The following CRYBA4 variants were observed in gnomAD, a reference collection of about 807,000 sequenced individuals.
CRYBA4 encodes crystallin beta A4, also known as beta-crystallin A4.
In CRYBA4, 30 loss-of-function variants were observed where a neutral mutation model predicts 31.7. That is an observed-to-expected ratio of 0.95 (90% confidence interval 0.71 to 1.28). CRYBA4 has a LOEUF of 1.28. CRYBA4 is among the 50% of genes most tolerant of loss of function. CRYBA4 has a pLI of 0.00. For missense variants in CRYBA4, 225 were observed against 260.7 expected, an observed-to-expected ratio of 0.86 and a Z score of 0.94; for synonymous variants, 102 against 102.3, an observed-to-expected ratio of 1.00 and a Z score of 0.02.
chr22:26,607,668 G>C, the CRYBA4 span, among the ~76,000 whole-genome samples: 1 of 151,582 alleles, frequency 6.6e-6, no homozygotes, highest in African/African-American at 2.4e-5. Flanking sequence ...GGAAGCTTTT[G>C]TGCTTATCAT....
At chr22:26,612,276 G>T in the CRYBA4 span, 1 of 856,528 alleles carries the variant, frequency 1.2e-6, no homozygotes, top group Non-Finnish European at 2.0e-6. Context: ...AAAGCCAGCA[G>T]TGCAGGAGTC....
At position 26,628,433 on chromosome 22, in the gene CRYBA4, A is replaced by T; in HGVS notation, c.443+3A>T. 6.2e-7 allele frequency: 1 copy of T among 1,614,006 alleles called. No individual in the cohort carries two copies. Among genetic ancestry groups the T allele is most frequent in the East Asian group, 2.2e-5 (1 of 44,874 alleles). ...TCCTTCCACGTCCACTCTGGGGCGT[A>T]AGTGTATTCAAGGCTCTACCTGGCA... On this transcript the variant is annotated splice_donor_region_variant and intron_variant, in intron 5 of 5. Transcript: ENST00000354760.
chr22:26,598,915 G>A, the CRYBA4 span, among the ~76,000 whole-genome samples: 1 of 152,196 alleles, frequency 6.6e-6, no homozygotes, highest in African/African-American at 2.4e-5. Flanking sequence ...TACAGGCTCT[G>A]GAGCCAGACA....
the CRYBA4 span, among the ~76,000 whole-genome samples, chr22:26,590,889 C>T: frequency 3.3e-5 from 5 of 152,168 alleles, no homozygotes; most frequent in Non-Finnish European, 7.3e-5. Context: ...GTTCTATAAC[C>T]TTTCAGTGCT....
chr22:26,619,497 A>G (rs1040906084), upstream of CRYBA4, among the ~76,000 whole-genome samples: 5 of 152,204 alleles, frequency 3.3e-5, no homozygotes, highest in African/African-American at 4.8e-5. Flanking sequence ...TCGGCTCCCC[A>G]GTCCCAGGCA....
upstream of CRYBA4, among the ~76,000 whole-genome samples, chr22:26,619,944 C>T (rs1428230628): frequency 6.6e-6 from 1 of 151,476 alleles, no homozygotes; most frequent in Non-Finnish European, 1.5e-5. Context: ...TTCATTATAT[C>T]TTTTTCTTTT....
chr22:26,629,392 A>G (rs1473192765), intron 5 of CRYBA4, among the ~76,000 whole-genome samples: 3 of 151,994 alleles, frequency 2.0e-5, no homozygotes, highest in Non-Finnish European at 4.4e-5. Flanking sequence ...TTTTACAGAA[A>G]GGGAAATGGA....
At chr22:26,601,847 G>C in the CRYBA4 span, 4 of 1,611,446 alleles carry the variant, frequency 2.5e-6, no homozygotes, top group Non-Finnish European at 3.4e-6. Context: ...GCTTGAAGCA[G>C]GGGACGCGGA....
rs372271933 is a variant in CRYBA4, at chr22:26,625,624, T to C, written c.300+2T>C. 172 of 1,613,598 alleles carry C rather than the reference T, an allele frequency of 1.1e-4. No individual in the cohort carries two copies. Among genetic ancestry groups the C allele is most frequent in the Middle Eastern group, 3.3e-4 (2 of 6,080 alleles). On this transcript the variant is annotated splice_donor_variant, in intron 4 of 5. Transcript: ENST00000354760. LOFTEE classifies it high-confidence loss of function. ...TCCTTCCGGCCTGCGGCCTGTGCTG[T>C]AAGTTCTACCACTGCTGCATCCCGG...
chr22:26,601,815 A>G, the CRYBA4 span: 1 of 1,608,376 alleles, frequency 6.2e-7, no homozygotes, highest in Admixed American at 1.7e-5. Context: ...CTGTAAGGGG[A>G]GCAGCCTCTG....
At chr22:26,591,328 G>A in the CRYBA4 span, among the ~76,000 whole-genome samples, 3 of 152,070 alleles carry the variant, frequency 2.0e-5, no homozygotes, top group East Asian at 1.9e-4. Context: ...AAAATTAGCC[G>A]GGTGTGGTGG....
chr22:26,599,556 G>A, the CRYBA4 span: 1 of 1,614,180 alleles, frequency 6.2e-7, no homozygotes, highest in East Asian at 2.2e-5. Context: ...TGTCACGCAG[G>A]CGACGCAGGG....
At chr22:26,622,083 T>G (rs1929547871) in intron 1 of CRYBA4, 97 bp downstream of exon 1, 1 of 585,954 alleles carries the variant, frequency 1.7e-6, no homozygotes. Flanking sequence ...GATGTCACTG[T>G]GTCATCCTGA....
At chr22:26,593,435 T>C in the CRYBA4 span, among the ~76,000 whole-genome samples, 1 of 151,838 alleles carries the variant, frequency 6.6e-6, no homozygotes, top group African/African-American at 2.4e-5. Context: ...CCCAGGAGAT[T>C]GAGACCAGCC....
At chr22:26,599,642 C>T in the CRYBA4 span, 7 of 1,614,028 alleles carry the variant, frequency 4.3e-6, no homozygotes, top group Admixed American at 3.3e-5. Flanking sequence ...TACTGGTACC[C>T]GCGGTAGCCA....
chr22:26,613,784 T>C, the CRYBA4 span, among the ~76,000 whole-genome samples: 3 of 152,216 alleles, frequency 2.0e-5, no homozygotes, highest in East Asian at 5.8e-4. Flanking sequence ...ATAAGAGAGA[T>C]AACCTTAAAC....
chr22:26,616,440 C>G, the CRYBA4 span: 1 of 776,060 alleles, frequency 1.3e-6, no homozygotes. Flanking sequence ...CTCGTTTCCT[C>G]TCTATCTCCT....
rs569621716 is a variant in CRYBA4 at position 26,623,113 on chromosome 22, C to G, written c.40-121C>G. The G allele has an allele frequency of 2.6e-4, 215 of 838,850 alleles. No individual in the cohort carries two copies. In the African/African-American group the frequency reaches 2.9e-3, roughly 11 times the overall value. 52.0% of individuals were successfully genotyped at this position (838,850 alleles called of 1,614,324 possible). The stretch of plus-strand genomic sequence containing the variant: ...TATCACTGCTCTTGCCTTCCTGGCT[C>G]CTGGAGGAATCTGAGTTTGCAATCC... On this transcript the variant is annotated intron_variant, in intron 2 of 5. Transcript: ENST00000354760.
upstream of CRYBA4, among the ~76,000 whole-genome samples, chr22:26,620,116 A>G (rs1929486967): frequency 6.6e-6 from 1 of 151,292 alleles, no homozygotes; most frequent in Non-Finnish European, 1.5e-5. Context: ...CCTCTCTCTC[A>G]GCCACTTTCT....
Sources: gnomAD v4.1 joint callset for allele counts (sites outside exome capture counted in the v4.1 genomes callset) on GRCh38, gnomAD v4.1.1 for gene constraint, MANE v1.5 for transcripts, NCBI Gene and HGNC (gene_info 2026-07-23, HGNC 2026-07-21) for gene names.